ACTR3C: variants seen among roughly 807,000 people sequenced by gnomAD.
ACTR3C encodes actin-related protein 3C.
Under a neutral mutation model 26.3 loss-of-function variants are expected in ACTR3C, and 18 were observed. That is an observed-to-expected ratio of 0.68 (90% confidence interval 0.47 to 1.01). ACTR3C has a LOEUF of 1.01. Among genes scored for constraint, ACTR3C ranks in the 50% least tolerant of loss-of-function variants. ACTR3C has a pLI of 0.00. For synonymous variants in ACTR3C, 55 were observed against 94.5 expected, an observed-to-expected ratio of 0.58 and a Z score of 2.42; for missense variants, 184 against 250.7, an observed-to-expected ratio of 0.73 and a Z score of 1.80.
chr7:149,926,508 CAAGTCCCCAGTGAA>C, the ACTR3C span, among the ~76,000 whole-genome samples: 1 of 152,242 alleles, frequency 6.6e-6, no homozygotes, highest in Non-Finnish European at 1.5e-5. Context: ...GTCTGCATGA[CAAGTCCCCAGTGAA>C]AACCTTGGGC....
chr7:150,176,528 A>C, the ACTR3C span, among the ~76,000 whole-genome samples: 1 of 150,954 alleles, frequency 6.6e-6, no homozygotes, highest in African/African-American at 2.5e-5. Context: ...TCATGTTTTC[A>C]ATATTCTTTT....
chr7:150,230,367 T>A, the ACTR3C span, among the ~76,000 whole-genome samples: 6 of 152,244 alleles, frequency 3.9e-5, no homozygotes, highest in East Asian at 1.2e-3. Context: ...TTTCTTCTTG[T>A]ACAAGTTGGT....
chr7:150,290,815 C>T (rs1298280412), intron 3 of ACTR3C, among the ~76,000 whole-genome samples: 2 of 152,194 alleles, frequency 1.3e-5, no homozygotes, highest in African/African-American at 2.4e-5. Flanking sequence ...CTTTCTAACA[C>T]ATAAACTATT....
At chr7:150,033,703 G>A in the ACTR3C span, among the ~76,000 whole-genome samples, 291 of 150,582 alleles carry the variant, frequency 1.9e-3, no homozygotes, top group African/African-American at 6.9e-3. Context: ...TGCGATGGGG[G>A]TACTAACAAC....
At chr7:150,058,869 T>A in the ACTR3C span, among the ~76,000 whole-genome samples, 11 of 151,974 alleles carry the variant, frequency 7.2e-5, no homozygotes, top group Non-Finnish European at 1.6e-4. Context: ...GAGCCAGGAT[T>A]ACACCACTCA....
At chr7:149,956,882 G>A in the ACTR3C span, among the ~76,000 whole-genome samples, 1 of 152,230 alleles carries the variant, frequency 6.6e-6, no homozygotes, top group East Asian at 1.9e-4. Flanking sequence ...TCTTCCCACG[G>A]GCTACTCCTT....
the ACTR3C span, among the ~76,000 whole-genome samples, chr7:150,203,052 A>G: frequency 2.0e-5 from 3 of 152,380 alleles, no homozygotes; most frequent in East Asian, 1.9e-4. Flanking sequence ...TACGTTACAT[A>G]TGACTCAGCA....
At chr7:150,034,108 A>G in the ACTR3C span, among the ~76,000 whole-genome samples, 2,391 of 149,696 alleles carry the variant, frequency 0.016, 45 homozygotes, top group Middle Eastern at 0.038. Flanking sequence ...GGTCCCAACA[A>G]CCGGGGGGAA....
At chr7:150,143,944 C>A in the ACTR3C span, among the ~76,000 whole-genome samples, 3 of 152,244 alleles carry the variant, frequency 2.0e-5, no homozygotes, top group African/African-American at 7.2e-5. Context: ...CTGGGCCAGG[C>A]TTCTTAGGGC....
chr7:149,982,267 GGTT>G, the ACTR3C span, among the ~76,000 whole-genome samples: 1 of 152,238 alleles, frequency 6.6e-6, no homozygotes, highest in South Asian at 2.1e-4. Flanking sequence ...GACTCTCACT[GGTT>G]AAAGGCATGA....
chr7:150,036,333 GC>G, the ACTR3C span, among the ~76,000 whole-genome samples: 451 of 147,914 alleles, frequency 3.0e-3, 2 homozygotes, highest in Admixed American at 0.023. Context: ...CCATCCTTTA[GC>G]AACCCTGTCT....
At chr7:150,099,155 G>T in the ACTR3C span, among the ~76,000 whole-genome samples, 2 of 145,344 alleles carry the variant, frequency 1.4e-5, no homozygotes, top group South Asian at 2.2e-4. Flanking sequence ...GCCCGAGGGT[G>T]GGGAGGCAGA....
At chr7:150,040,512 C>T in the ACTR3C span, 1 of 148,764 alleles carries the variant, frequency 6.7e-6, no homozygotes, top group African/African-American at 2.6e-5. Flanking sequence ...TGTTTGGGAT[C>T]CACAGTCTAC....
chr7:150,092,554 T>C, the ACTR3C span, among the ~76,000 whole-genome samples: 12 of 149,596 alleles, frequency 8.0e-5, no homozygotes, highest in African/African-American at 2.8e-4. Context: ...AACAATACAA[T>C]GTCAGTAAAA....
chr7:150,180,464 T>C, the ACTR3C span, among the ~76,000 whole-genome samples: 374 of 149,800 alleles, frequency 2.5e-3, 1 homozygote, highest in Middle Eastern at 0.041. Context: ...AGTATAGATA[T>C]AAAAAGAATG....
the ACTR3C span, among the ~76,000 whole-genome samples, chr7:150,128,635 G>A: frequency 1.3e-5 from 2 of 151,594 alleles, no homozygotes; most frequent in East Asian, 3.9e-4. Context: ...GAGCACATCT[G>A]CCTCTGGGAG....
the ACTR3C span, among the ~76,000 whole-genome samples, chr7:150,149,322 G>T: frequency 4.0e-5 from 6 of 151,772 alleles, no homozygotes; most frequent in African/African-American, 1.4e-4. Flanking sequence ...CACTTGAAAA[G>T]ATTTCTTTTG....
At chr7:149,984,972 G>A in the ACTR3C span, among the ~76,000 whole-genome samples, 1,053 of 152,178 alleles carry the variant, frequency 6.9e-3, 5 homozygotes, top group Non-Finnish European at 0.011. Context: ...AAAGAATCCT[G>A]CCTTATGCCT....
chr7:149,981,971 T>C, the ACTR3C span, among the ~76,000 whole-genome samples: 682 of 152,330 alleles, frequency 4.5e-3, 3 homozygotes, highest in African/African-American at 0.016. Context: ...AAGGATGTTT[T>C]AGAATGAGAC....
Sources: allele counts gnomAD v4.1 joint callset (sites outside exome capture counted in the v4.1 genomes callset), GRCh38; gene constraint gnomAD v4.1.1; transcripts MANE v1.5; gene names NCBI Gene and HGNC (gene_info 2026-07-23, HGNC 2026-07-21).